ZNF804A: variants seen among roughly 807,000 people sequenced by gnomAD.
The protein encoded by ZNF804A is zinc finger protein 804A.
ZNF804A carries 2 observed loss-of-function variants against 16.5 expected under a neutral mutation model. The observed-to-expected ratio is 0.12, with a 90% CI of 0.05 to 0.38. The LOEUF (loss-of-function observed/expected upper bound fraction) is 0.38, where lower values mean the gene tolerates loss of function less well. Among genes scored for constraint, ZNF804A ranks in the 10% least tolerant of loss-of-function variants. ZNF804A has a pLI of 0.99. For missense variants in ZNF804A, 1,473 were observed against 1,390.7 expected (o/e 1.06, Z -0.94); for synonymous variants, 534 against 489.6 (o/e 1.09, Z -1.20).
chr2:184,818,697 A>G (rs1048519536), intron 1 of ZNF804A, among the ~76,000 whole-genome samples: 1 of 152,114 alleles, frequency 6.6e-6, no homozygotes, highest in African/African-American at 2.4e-5. Context: ...CTCAAAAAAA[A>G]GGGATAGAGG....
chr2:184,834,930 A>T (rs889650154), intron 1 of ZNF804A, among the ~76,000 whole-genome samples: 2 of 152,188 alleles, frequency 1.3e-5, no homozygotes, highest in African/African-American at 2.4e-5. Flanking sequence ...CATGAAAGTT[A>T]TGAATGTTGA....
At position 184,937,831 on chromosome 2, in the gene ZNF804A, G is replaced by A. The variant is rs767139380; in HGVS notation, c.2435G>A (p.Arg812Gln). Residue 812 changes from arginine (R) to glutamine (Q), a missense_variant, in exon 4 of 4, where the codon CGG (arginine) becomes CAG (glutamine). Physicochemically the swap from Arg to Gln is conservative, Grantham distance 43. Transcript: ENST00000302277. ...SVAPCKPKKK[R>Q]RRKRGRFHPG... ...GCTCCCTGCAAGCCTAAAAAGAAAC[G>A]GAGGCGAAAAAGAGGCAGATTCCAC... The A allele has an allele frequency of 3.7e-6, 6 of 1,613,942 alleles. No homozygotes were observed. Among genetic ancestry groups the A allele is most frequent in the Middle Eastern group, 1.6e-4 (1 of 6,084 alleles).
intron 1 of ZNF804A, among the ~76,000 whole-genome samples, chr2:184,763,633 T>A (rs1176321975): frequency 7.3e-5 from 2 of 27,572 alleles, no homozygotes; most frequent in African/African-American, 1.6e-4. Context: ...CAAAGTGCTT[T>A]TTTTTTTTTT....
chr2:184,893,115 T>C (rs962440716), intron 2 of ZNF804A, among the ~76,000 whole-genome samples: 1 of 152,146 alleles, frequency 6.6e-6, no homozygotes, highest in Non-Finnish European at 1.5e-5. Context: ...TATTTTCAAT[T>C]TAATATATAA....
intron 2 of ZNF804A, among the ~76,000 whole-genome samples, chr2:184,922,786 C>A (rs962865727): frequency 1.3e-5 from 2 of 152,022 alleles, no homozygotes; most frequent in Non-Finnish European, 2.9e-5. Context: ...ATATGGATAC[C>A]TAGTTTTCTC....
intron 1 of ZNF804A, among the ~76,000 whole-genome samples, chr2:184,724,215 A>G (rs1693365690): frequency 6.6e-6 from 1 of 151,716 alleles, no homozygotes; most frequent in African/African-American, 2.4e-5. Context: ...ACTGTGCATA[A>G]ATTCTTAAAA....
At chr2:184,688,123 C>T (rs944686382) in intron 1 of ZNF804A, among the ~76,000 whole-genome samples, 4 of 151,758 alleles carry the variant, frequency 2.6e-5, no homozygotes, top group African/African-American at 7.3e-5. Flanking sequence ...TGTCTCAAAA[C>T]AAAAACAAAA....
intron 1 of ZNF804A, among the ~76,000 whole-genome samples, chr2:184,696,354 T>C (rs1454171037): frequency 6.6e-6 from 1 of 152,138 alleles, no homozygotes. Context: ...ATCTCATGTA[T>C]GTAGAATCAA....
chr2:184,682,149 G>A (rs961868689), intron 1 of ZNF804A, among the ~76,000 whole-genome samples: 1 of 152,158 alleles, frequency 6.6e-6, no homozygotes, highest in Admixed American at 6.5e-5. Context: ...TGCCATGGGT[G>A]GAGTGTTGAT....
intron 1 of ZNF804A, among the ~76,000 whole-genome samples, chr2:184,773,698 A>G (rs1057184676): frequency 6.6e-6 from 1 of 151,882 alleles, no homozygotes; most frequent in African/African-American, 2.4e-5. Context: ...GTTGGGTACA[A>G]TGTACACTGC....
Position 184,776,659 on chromosome 2 carries a change from C to T in ZNF804A, c.112-89710C>T, listed in dbSNP as rs992332690. ...ATTGTTTTGGGAAATGTAATTAGTTCGCTTTTTATGTTGTATTTATTAAAT... is the reference window on the plus strand; with the variant it reads ...ATTGTTTTGGGAAATGTAATTAGTTTGCTTTTTATGTTGTATTTATTAAAT... On this transcript the variant is annotated intron_variant, in intron 1 of 3. Transcript: ENST00000302277. Among the ~76,000 whole-genome samples, 19 of 151,458 alleles carry T rather than the reference C, an allele frequency of 1.3e-4. 1 individual carries two copies. Among genetic ancestry groups the T allele is most frequent in the Admixed American group, 4.6e-4 (7 of 15,140 alleles).
At chr2:184,737,835 C>G (rs537305625) in intron 1 of ZNF804A, among the ~76,000 whole-genome samples, 1 of 151,912 alleles carries the variant, frequency 6.6e-6, no homozygotes, top group Non-Finnish European at 1.5e-5. Flanking sequence ...AAGAAAATAT[C>G]AGATCTGTCC....
At chr2:184,905,913 A>T (rs1417582931) in intron 2 of ZNF804A, among the ~76,000 whole-genome samples, 2 of 152,180 alleles carry the variant, frequency 1.3e-5, no homozygotes, top group East Asian at 3.9e-4. Flanking sequence ...TAGCTTGCAG[A>T]TTCAGTGTTC....
rs534822364 is a variant in ZNF804A, at chr2:184,901,888, A to T, written c.256-31715A>T. ...TTATCCATATGTATTTATATATATG[A>T]GTATATATATAATATCACATGACGC... On this transcript the variant is annotated intron_variant, in intron 2 of 3. Transcript: ENST00000302277. 1.3e-3 allele frequency among the ~76,000 whole-genome samples: 198 copies of T among 152,026 alleles called. 1 individual carries two copies. Among genetic ancestry groups the T allele is most frequent in the African/African-American group, 4.6e-3 (192 of 41,488 alleles).
At chr2:184,858,899 T>C (rs1695747651) in intron 1 of ZNF804A, among the ~76,000 whole-genome samples, 2 of 152,190 alleles carry the variant, frequency 1.3e-5, no homozygotes, top group South Asian at 4.1e-4. Context: ...CTAACATTCC[T>C]TCATTTCTAA....
At chr2:184,731,496 A>T (rs1049354669) in intron 1 of ZNF804A, among the ~76,000 whole-genome samples, 23 of 149,370 alleles carry the variant, frequency 1.5e-4, no homozygotes, top group African/African-American at 5.7e-4. Context: ...GATGTGGAAC[A>T]TCTTTTTCTA....
At chr2:184,609,394 G>A (rs1211297137) in intron 1 of ZNF804A, among the ~76,000 whole-genome samples, 1 of 152,192 alleles carries the variant, frequency 6.6e-6, no homozygotes, top group Non-Finnish European at 1.5e-5. Context: ...TTGACAGAGA[G>A]GCGTGATTAC....
At chr2:184,706,915 GC>G in intron 1 of ZNF804A, among the ~76,000 whole-genome samples, 1 of 152,168 alleles carries the variant, frequency 6.6e-6, no homozygotes, top group East Asian at 1.9e-4. Flanking sequence ...TGGGAAGTAA[GC>G]CAGACAGAGT....
chr2:184,653,697 G>A (rs568556482), intron 1 of ZNF804A, among the ~76,000 whole-genome samples: 4 of 152,296 alleles, frequency 2.6e-5, no homozygotes, highest in East Asian at 1.9e-4. Context: ...GAGCACTTGG[G>A]AGGTGAGCAT....
Sources: gnomAD v4.1 joint callset for allele counts (sites outside exome capture counted in the v4.1 genomes callset) on GRCh38, gnomAD v4.1.1 for gene constraint, MANE v1.5 for transcripts, NCBI Gene and HGNC (gene_info 2026-07-23, HGNC 2026-07-21) for gene names.